SHANK2: variants seen among roughly 807,000 people sequenced by gnomAD.
The protein encoded by SHANK2 is SH3 and multiple ankyrin repeat domains 2.
In SHANK2, 43 loss-of-function variants were observed where a neutral mutation model predicts 133.7. That is an observed-to-expected ratio of 0.32 (90% CI 0.25 to 0.41). SHANK2 has a LOEUF of 0.41. Ranked by LOEUF, SHANK2 falls within the 10% of genes least tolerant of loss-of-function variation. The pLI, the probability that SHANK2 is intolerant of heterozygous loss-of-function variation, is 1.00. For missense variants in SHANK2, 1,994 were observed against 2,235.8 expected (o/e 0.89, Z 2.18); for synonymous variants, 1,017 against 952.8 (o/e 1.07, Z -1.24).
chr11:70,468,371 C>T lies in SHANK2; in HGVS notation c.*4498G>A, dbSNP rs1181710575. 2.0e-5 allele frequency: 3 copies of T among 152,140 alleles called. No homozygotes were observed. The highest frequency in any genetic ancestry group is 7.2e-5 in the African/African-American group (3 of 41,410). 9.4% of individuals were successfully genotyped at this position (152,140 alleles called of 1,614,324 possible). ...TTAGAAATCAAAGTGATGAGATCTG[C>T]GGAAGTCTGAGAAACAAGTTTGGAA... On this transcript the variant is annotated 3_prime_UTR_variant, in exon 26 of 26. Transcript: ENST00000601538.
At chr11:70,723,695 A>G (rs1946115489) in intron 14 of SHANK2, among the ~76,000 whole-genome samples, 1 of 152,172 alleles carries the variant, frequency 6.6e-6, no homozygotes. Flanking sequence ...CAAGTCCCAC[A>G]CTGTTTAGAC....
At chr11:71,180,253 A>G (rs1486110383) in intron 2 of SHANK2, among the ~76,000 whole-genome samples, 1 of 152,226 alleles carries the variant, frequency 6.6e-6, no homozygotes, top group Non-Finnish European at 1.5e-5. Flanking sequence ...CTTGTTATTT[A>G]TCAGAACAAA....
rs140383939 is a variant in SHANK2 at position 70,806,854 on chromosome 11, C to T, written c.1663+148G>A. 1.7e-4 allele frequency: 103 copies of T among 590,874 alleles called. No homozygotes were observed. The African/African-American group carries it at 1.8e-3, about 10-fold the overall frequency. 36.6% of individuals were successfully genotyped at this position (590,874 alleles called of 1,614,324 possible). ...GAGAGTGAGGGAAAGGGTCTGGGAA[C>T]GTCACTCTGTTCCCCATTCCTGCCC... On this transcript the variant is annotated intron_variant, in intron 13 of 25. Coordinates refer to ENST00000601538, the MANE Select transcript of SHANK2 (RefSeq NM_012309.5).
At chr11:70,922,246 A>G (rs1158915058) in intron 10 of SHANK2, among the ~76,000 whole-genome samples, 1 of 152,232 alleles carries the variant, frequency 6.6e-6, no homozygotes, top group Non-Finnish European at 1.5e-5. Context: ...AGAGAGAAGG[A>G]CAAATGGAAA....
intron 10 of SHANK2, among the ~76,000 whole-genome samples, chr11:70,952,433 T>G (rs547207043): frequency 1.5e-4 from 23 of 152,306 alleles, no homozygotes; most frequent in Non-Finnish European, 2.4e-4. Flanking sequence ...CCAGCTGCAT[T>G]TGCTCCCTCC....
intron 4 of SHANK2, among the ~76,000 whole-genome samples, chr11:71,116,471 G>C (rs1265179275): frequency 6.6e-6 from 1 of 152,234 alleles, no homozygotes; most frequent in Non-Finnish European, 1.5e-5. Flanking sequence ...GAAATGTGTA[G>C]GGCTGCCCCG....
At chr11:71,105,623 C>G (rs1191416386) in intron 6 of SHANK2, among the ~76,000 whole-genome samples, 4 of 145,712 alleles carry the variant, frequency 2.7e-5, no homozygotes, top group African/African-American at 1.0e-4. Flanking sequence ...AAGAAAGGGT[C>G]AGCAGCTGCC....
At chr11:71,078,035 G>C (rs1951244420) in intron 8 of SHANK2, among the ~76,000 whole-genome samples, 1 of 152,052 alleles carries the variant, frequency 6.6e-6, no homozygotes, top group African/African-American at 2.4e-5. Context: ...AGCACCCCAA[G>C]CACCTGCACC....
At chr11:70,896,851 C>T (rs76495342) in intron 10 of SHANK2, among the ~76,000 whole-genome samples, 1 of 152,164 alleles carries the variant, frequency 6.6e-6, no homozygotes, top group African/African-American at 2.4e-5. Context: ...CATAGAGCAG[C>T]TGAGGATTCA....
intron 17 of SHANK2, among the ~76,000 whole-genome samples, chr11:70,650,578 C>T (rs782742316): frequency 7.9e-5 from 12 of 152,172 alleles, no homozygotes; most frequent in Non-Finnish European, 1.6e-4. Context: ...CACATTTGTA[C>T]CTACTTCACT....
intron 14 of SHANK2, among the ~76,000 whole-genome samples, chr11:70,735,843 A>G (rs145264903): frequency 4.7e-4 from 72 of 151,960 alleles, no homozygotes; most frequent in Middle Eastern, 3.4e-3. Flanking sequence ...CTCTCTCTTC[A>G]GCGTGTCCAC....
chr11:70,819,698 G>T (rs146663659), intron 12 of SHANK2, among the ~76,000 whole-genome samples: 6 of 152,088 alleles, frequency 3.9e-5, no homozygotes, highest in Admixed American at 2.0e-4. Flanking sequence ...ATGGAACGAG[G>T]CACAGGCTCC....
In SHANK2 at chr11:71,142,304, C is replaced by T. The variant is rs141333509; in HGVS notation, c.207+4816G>A. ...TCACCTGAGGTCAGGAGTTGGACAC[C>T]AGCCTGGCCAACATGGCAAAACACT... On this transcript the variant is annotated intron_variant, in intron 3 of 25. Coordinates refer to ENST00000601538, the MANE Select transcript of SHANK2 (RefSeq NM_012309.5). Among the ~76,000 whole-genome samples the T allele has an allele frequency of 6.6e-4, 100 of 152,296 alleles. 1 individual carries two copies. The East Asian group carries it at 0.019, about 28-fold the overall frequency.
At chr11:71,098,974 CGCCCAAGATGA>C in intron 6 of SHANK2, among the ~76,000 whole-genome samples, 1 of 152,208 alleles carries the variant, frequency 6.6e-6, no homozygotes. Context: ...GGGGCAGCAT[CGCCCAAGATGA>C]GCCACACCAA....
intron 17 of SHANK2, among the ~76,000 whole-genome samples, chr11:70,652,431 C>T (rs1040216110): frequency 5.3e-5 from 8 of 152,256 alleles, no homozygotes; most frequent in Admixed American, 2.0e-4. Context: ...TTATTATCCC[C>T]GTTTGTTCAA....
chr11:71,204,421 A>G (rs1302314279), intron 2 of SHANK2, among the ~76,000 whole-genome samples: 1 of 152,122 alleles, frequency 6.6e-6, no homozygotes, highest in Non-Finnish European at 1.5e-5. Flanking sequence ...CTGCCTCTGT[A>G]AAGTGAGCCT....
At chr11:71,209,402 A>G (rs1468276714) in intron 2 of SHANK2, among the ~76,000 whole-genome samples, 1 of 152,132 alleles carries the variant, frequency 6.6e-6, no homozygotes, top group Non-Finnish European at 1.5e-5. Context: ...CCCAGGAGGG[A>G]GCTTCGGTTC....
At chr11:70,713,097 G>T (rs1555026531) in intron 14 of SHANK2, among the ~76,000 whole-genome samples, 1 of 152,252 alleles carries the variant, frequency 6.6e-6, no homozygotes, top group East Asian at 1.9e-4. Flanking sequence ...GCATGGGTTT[G>T]TGTGTGGGCA....
intron 17 of SHANK2, among the ~76,000 whole-genome samples, chr11:70,627,752 G>A (rs1205262895): frequency 6.6e-6 from 1 of 152,170 alleles, no homozygotes; most frequent in Non-Finnish European, 1.5e-5. Flanking sequence ...AAAGAATTTT[G>A]TGCATGAAAC....
Sources: gnomAD v4.1 joint callset for allele counts (sites outside exome capture counted in the v4.1 genomes callset) on GRCh38, gnomAD v4.1.1 for gene constraint, MANE v1.5 for transcripts, NCBI Gene and HGNC (gene_info 2026-07-23, HGNC 2026-07-21) for gene names.